FERMT2: variants seen among roughly 807,000 people sequenced by gnomAD.
The protein encoded by FERMT2 is FERM domain containing kindlin 2.
Under a neutral mutation model 82.7 loss-of-function variants are expected in FERMT2, and 15 were observed. The observed-to-expected ratio is 0.18, with a 90% CI of 0.12 to 0.28. The LOEUF is 0.28. FERMT2 is among the 10% of genes least tolerant of loss of function. FERMT2 has a pLI of 1.00. For missense variants in FERMT2, 645 were observed against 809.4 expected, an observed-to-expected ratio of 0.80 and a Z score of 2.46; for synonymous variants, 274 against 271.5, an observed-to-expected ratio of 1.01 and a Z score of -0.09.
rs1566721698 is a variant in FERMT2 at position 52,872,764 on chromosome 14, CACCATCAACAACAGCCG to C, written c.1273+18_1273+34del. On this transcript the variant is annotated intron_variant, in intron 10 of 14. Transcript: ENST00000341590. ...TTGACTATTAGGCCAATGGGGATGCCACCATCAACAACAGCCGTGCCAGGCTCTCCTTACCCCTGAGG... is the reference window on the plus strand; with the variant it reads ...TTGACTATTAGGCCAATGGGGATGCCTGCCAGGCTCTCCTTACCCCTGAGG... The C allele has an allele frequency of 6.2e-7, 1 of 1,609,190 alleles. No individual in the cohort carries two copies. The highest frequency in any genetic ancestry group is 1.3e-5 in the African/African-American group (1 of 74,862).
chr14:52,931,560 T>G (rs766961194), intron 2 of FERMT2, among the ~76,000 whole-genome samples: 3 of 152,118 alleles, frequency 2.0e-5, no homozygotes, highest in Non-Finnish European at 4.4e-5. Context: ...TAAGCTAGAA[T>G]CATGGGTCTC....
At chr14:52,935,482 T>C (rs1379078209) in intron 2 of FERMT2, among the ~76,000 whole-genome samples, 1 of 152,184 alleles carries the variant, frequency 6.6e-6, no homozygotes. Flanking sequence ...GGAGTGCTTC[T>C]GGTGGAACTG....
At chr14:52,928,162 A>G (rs1219290222) in intron 2 of FERMT2, 12 of 239,142 alleles carry the variant, frequency 5.0e-5, no homozygotes, top group Non-Finnish European at 9.1e-6. Context: ...AAAGAAATGC[A>G]AAATTTGTTT....
chr14:52,904,621 A>G (rs1887880397), intron 3 of FERMT2, among the ~76,000 whole-genome samples: 1 of 151,926 alleles, frequency 6.6e-6, no homozygotes, highest in South Asian at 2.1e-4. Context: ...TGAACCTGGG[A>G]GGTGGAGGTT....
intron 3 of FERMT2, among the ~76,000 whole-genome samples, chr14:52,903,547 G>T (rs973747031): frequency 8.3e-5 from 12 of 144,060 alleles, no homozygotes; most frequent in Non-Finnish European, 1.4e-4. Flanking sequence ...CTTAAGAAAA[G>T]AAAATAAATA....
chr14:52,867,159 A>C (rs1885336079), intron 10 of FERMT2, among the ~76,000 whole-genome samples: 1 of 150,232 alleles, frequency 6.7e-6, no homozygotes. Context: ...CTGTTCTCAA[A>C]CTCCTGGGCT....
intron 2 of FERMT2, among the ~76,000 whole-genome samples, chr14:52,935,825 C>T (rs956003000): frequency 6.6e-6 from 1 of 152,134 alleles, no homozygotes. Flanking sequence ...TACAAATAGC[C>T]TTTTGAAGTT....
At chr14:52,929,441 T>C (rs1046074720) in intron 2 of FERMT2, among the ~76,000 whole-genome samples, 1 of 152,190 alleles carries the variant, frequency 6.6e-6, no homozygotes, top group East Asian at 1.9e-4. Context: ...TGAAAATCCT[T>C]TGCAACTGCT....
intron 3 of FERMT2, among the ~76,000 whole-genome samples, chr14:52,910,252 C>T (rs1417941245): frequency 6.6e-6 from 1 of 152,042 alleles, no homozygotes; most frequent in Non-Finnish European, 1.5e-5. Context: ...CCATCCCTAT[C>T]AAATAGATTC....
intron 2 of FERMT2, among the ~76,000 whole-genome samples, chr14:52,947,579 A>G: frequency 6.6e-6 from 1 of 152,260 alleles, no homozygotes. Context: ...GCCTTAAGCA[A>G]AGTGTACACG....
intron 3 of FERMT2, among the ~76,000 whole-genome samples, chr14:52,911,042 A>T (rs17125879): frequency 2.0e-5 from 3 of 152,200 alleles, no homozygotes; most frequent in African/African-American, 7.2e-5. Flanking sequence ...TTCAGTGTTC[A>T]GTTTCAGTGG....
At chr14:52,899,240 C>T (rs1432679542) in intron 3 of FERMT2, among the ~76,000 whole-genome samples, 6 of 151,982 alleles carry the variant, frequency 3.9e-5, no homozygotes, top group Non-Finnish European at 8.8e-5. Flanking sequence ...GCTCTAGCGG[C>T]TTGTTTTATA....
intron 3 of FERMT2, among the ~76,000 whole-genome samples, chr14:52,911,760 T>G (rs1252100003): frequency 1.3e-5 from 2 of 152,176 alleles, no homozygotes; most frequent in Non-Finnish European, 2.9e-5. Context: ...TATGAAAATT[T>G]TATAGACTTC....
At chr14:52,887,075 A>G (rs1886654967) in intron 4 of FERMT2, among the ~76,000 whole-genome samples, 1 of 152,128 alleles carries the variant, frequency 6.6e-6, no homozygotes, top group South Asian at 2.1e-4. Flanking sequence ...AGCATGTGAT[A>G]CTTTTGTACT....
intron 3 of FERMT2, among the ~76,000 whole-genome samples, chr14:52,907,548 T>C (rs748052088): frequency 3.3e-5 from 5 of 152,034 alleles, no homozygotes; most frequent in Non-Finnish European, 5.9e-5. Flanking sequence ...TTAGCATATA[T>C]AGGAGTAAAA....
chr14:52,874,207 G>A lies in FERMT2; in HGVS notation c.1118C>T (p.Pro373Leu). The A allele has an allele frequency of 1.3e-6, 2 of 1,595,890 alleles. No individual in the cohort carries two copies. Among genetic ancestry groups the A allele is most frequent in the Non-Finnish European group, 1.7e-6 (2 of 1,171,136 alleles). The change falls in exon 9 of 15, where the codon CCT becomes CTT. Residue 373 changes from proline to leucine, a missense_variant. Transcript: ENST00000341590. ...AACTTTAATGTAGTCAGCAAGTTCA[G>A]GAATGGAAGTAATGTCACCCTAGGA... ...STILGDITSI[P>L]ELADYIKVFK... is the part of the protein sequence containing the mutation.
At chr14:52,881,180 A>C in intron 5 of FERMT2, 42 bp from the exon 6 acceptor site, 2 of 1,592,478 alleles carry the variant, frequency 1.3e-6, no homozygotes, top group Non-Finnish European at 1.7e-6. Flanking sequence ...ACACAGAATG[A>C]AGACAATATT....
chr14:52,903,823 GAGA>G (rs1887817593), intron 3 of FERMT2, among the ~76,000 whole-genome samples: 1 of 152,132 alleles, frequency 6.6e-6, no homozygotes, highest in Admixed American at 6.5e-5. Context: ...AAATACAAGA[GAGA>G]AGATGATGCT....
intron 2 of FERMT2, among the ~76,000 whole-genome samples, chr14:52,922,602 C>T (rs971668218): frequency 6.6e-6 from 1 of 152,180 alleles, no homozygotes; most frequent in South Asian, 2.1e-4. Context: ...AAGACACTAA[C>T]GTGATAAGGA....
Sources: allele counts gnomAD v4.1 joint callset (sites outside exome capture counted in the v4.1 genomes callset), GRCh38; gene constraint gnomAD v4.1.1; transcripts MANE v1.5; gene names NCBI Gene and HGNC (gene_info 2026-07-23, HGNC 2026-07-21).